DPCD: variants seen among roughly 807,000 people sequenced by gnomAD.
DPCD encodes the protein protein DPCD.
In DPCD, 20 loss-of-function variants were observed where a neutral mutation model predicts 26.4. The ratio of observed to expected loss-of-function variants is 0.76; its 90% CI spans 0.53 to 1.10. DPCD has a LOEUF of 1.10. DPCD is among the 50% of genes least tolerant of loss of function. The pLI, the probability that DPCD is intolerant of heterozygous loss-of-function variation, is 0.00. For synonymous variants in DPCD, 97 were observed against 94.2 expected (o/e 1.03, Z -0.17); for missense variants, 202 against 253.9 (o/e 0.80, Z 1.39).
intron 1 of DPCD, 21 bp from the exon 2 acceptor site, chr10:101,594,637 C>T: frequency 6.2e-7 from 1 of 1,611,878 alleles, no homozygotes; most frequent in East Asian, 2.2e-5. Flanking sequence ...TGAGGTAAGG[C>T]ATTCTCTGTT....
Position 101,608,931 on chromosome 10 carries a change from C to A in DPCD, c.501C>A (p.Ile167=). The A allele has an allele frequency of 6.2e-7, 1 of 1,612,194 alleles. No individual in the cohort carries two copies. Among genetic ancestry groups the A allele is most frequent in the South Asian group, 1.1e-5 (1 of 91,052 alleles). Residue 167 remains isoleucine, a synonymous_variant, in exon 5 of 6, where the codon ATC becomes ATA. Transcript: ENST00000370151. ...LSFAHANCTL[I]ISYQKPKEVV... is the part of the protein sequence containing the mutation. ...TTGCCCACGCCAACTGCACCCTGAT[C>A]ATCTCTGTAAGATTCACCCAGACTT... is the stretch of plus-strand genomic sequence containing the variant.
Position 101,588,799 on chromosome 10 carries a change from T to G in DPCD, c.64+399T>G, listed in dbSNP as rs2134737621. ...TGGGCTCTAGTTCCGACTGTGCCATTAATTCACCACGGGCGCTTCAGTCGG... is the reference window on the plus strand; with the variant it reads ...TGGGCTCTAGTTCCGACTGTGCCATGAATTCACCACGGGCGCTTCAGTCGG... On this transcript the variant is annotated intron_variant, in intron 1 of 5. Coordinates refer to ENST00000370151, the MANE Select transcript of DPCD (RefSeq NM_015448.3). 3 of 513,116 alleles carry G rather than the reference T, an allele frequency of 5.8e-6. No homozygotes were observed. In the South Asian group the frequency reaches 2.5e-4, roughly 43 times the overall value. The allele number at this position is 513,116 out of a possible 1,614,324, so 31.8% of individuals were successfully genotyped here.
At chr10:101,605,249 G>T in intron 4 of DPCD, 3 of 1,547,476 alleles carry the variant, frequency 1.9e-6, no homozygotes, top group Non-Finnish European at 2.6e-6. Context: ...GTCCACAGCA[G>T]CCCTGCTCCT....
intron 4 of DPCD, chr10:101,605,231 A>G: frequency 6.5e-7 from 1 of 1,549,664 alleles, no homozygotes; most frequent in Non-Finnish European, 8.7e-7. Context: ...GGCATGACCC[A>G]AGTGATTGTC....
intron 4 of DPCD, chr10:101,605,107 G>A: frequency 6.4e-7 from 1 of 1,550,588 alleles, no homozygotes; most frequent in Non-Finnish European, 8.7e-7. Context: ...GAGCCTTGAT[G>A]TTTAAGAAGA....
At chr10:101,593,014 A>G (rs1239442489) in intron 1 of DPCD, among the ~76,000 whole-genome samples, 1 of 152,156 alleles carries the variant, frequency 6.6e-6, no homozygotes, top group Non-Finnish European at 1.5e-5. Flanking sequence ...CTCTGTCAAA[A>G]AAAAAAACCC....
At chr10:101,589,709 C>G (rs914733671) in intron 1 of DPCD, among the ~76,000 whole-genome samples, 9 of 152,114 alleles carry the variant, frequency 5.9e-5, no homozygotes, top group Non-Finnish European at 1.3e-4. Flanking sequence ...TGAAACCACC[C>G]CATCGCTACT....
intron 1 of DPCD, among the ~76,000 whole-genome samples, chr10:101,591,653 C>G (rs1201273933): frequency 6.6e-6 from 1 of 151,854 alleles, no homozygotes; most frequent in Non-Finnish European, 1.5e-5. Context: ...ATAAAGAAGT[C>G]AAATATAATA....
intron 4 of DPCD, among the ~76,000 whole-genome samples, chr10:101,606,388 T>TGGC (rs2063733147): frequency 6.6e-6 from 1 of 152,238 alleles, no homozygotes; most frequent in Non-Finnish European, 1.5e-5. Context: ...CTTGAACTCC[T>TGGC]GGCCTCAAGT....
chr10:101,601,304 G>C lies in DPCD; in HGVS notation c.372G>C (p.Glu124Asp). ...DVYSVSVDQK[E>D]RCIIVRTTNK... The stretch of plus-strand genomic sequence containing the variant: ...ATAGTGTCTCTGTGGACCAGAAGGA[G>C]CGCTGCATCATTGTCAGAACAACCA... The change falls in exon 4 of 6, where the codon GAG becomes GAC. Residue 124 changes from glutamate (E) to aspartate (D), a missense_variant. Transcript: ENST00000370151. The C allele has an allele frequency of 6.2e-7, 1 of 1,613,902 alleles. No individual in the cohort carries two copies. The highest frequency in any genetic ancestry group is 8.5e-7 in the Non-Finnish European group (1 of 1,179,936).
intron 1 of DPCD, among the ~76,000 whole-genome samples, chr10:101,590,732 C>G (rs1456486829): frequency 1.3e-5 from 2 of 152,082 alleles, no homozygotes; most frequent in African/African-American, 4.8e-5. Context: ...GCATGTGCCA[C>G]TACACTCAGC....
chr10:101,602,333 A>G (rs1260068794), intron 4 of DPCD, among the ~76,000 whole-genome samples: 1 of 152,144 alleles, frequency 6.6e-6, no homozygotes. Context: ...CCTCAGGCTC[A>G]CGAGGCCCAC....
intron 5 of DPCD, 150 bp downstream of exon 5, chr10:101,609,087 G>T: frequency 1.4e-6 from 1 of 719,024 alleles, no homozygotes; most frequent in Non-Finnish European, 2.4e-6. Flanking sequence ...CAGCATGGGG[G>T]AGAGCAGGGA....
At position 101,601,338 on chromosome 10, in the gene DPCD, T is replaced by C. The variant is rs780332966; in HGVS notation, c.404+2T>C. On this transcript the variant is annotated splice_donor_variant, in intron 4 of 5. Transcript: ENST00000370151. LOFTEE classifies it high-confidence loss of function. ...CATTGTCAGAACAACCAACAAGAAGTGAGTAGCGTGGAAGGCACCCTGTGT... is the reference window on the plus strand; with the variant it reads ...CATTGTCAGAACAACCAACAAGAAGCGAGTAGCGTGGAAGGCACCCTGTGT... 2 of 1,613,128 alleles carry C rather than the reference T, an allele frequency of 1.2e-6. No homozygotes were observed. Among genetic ancestry groups the C allele is most frequent in the East Asian group, 2.2e-5 (1 of 44,734 alleles).
chr10:101,607,105 C>G (rs929537789), intron 4 of DPCD, among the ~76,000 whole-genome samples: 3 of 152,104 alleles, frequency 2.0e-5, no homozygotes, highest in Non-Finnish European at 2.9e-5. Context: ...TTTTCCGGTC[C>G]CACTGCCCCA....
chr10:101,596,247 T>C (rs966820007), intron 2 of DPCD, among the ~76,000 whole-genome samples: 4 of 151,852 alleles, frequency 2.6e-5, no homozygotes, highest in Non-Finnish European at 5.9e-5. Flanking sequence ...GAGAAGACTG[T>C]TCACAGGAGA....
intron 4 of DPCD, among the ~76,000 whole-genome samples, chr10:101,602,658 T>C (rs1396440048): frequency 1.3e-5 from 2 of 152,228 alleles, no homozygotes; most frequent in African/African-American, 4.8e-5. Context: ...AATTTAGCAA[T>C]TTCAGACAAC....
chr10:101,591,625 A>T (rs1423290498), intron 1 of DPCD, among the ~76,000 whole-genome samples: 2 of 152,100 alleles, frequency 1.3e-5, no homozygotes, highest in African/African-American at 4.8e-5. Flanking sequence ...AATTACATTC[A>T]TTGTGGAAAT....
chr10:101,593,388 A>G (rs942551719), intron 1 of DPCD, among the ~76,000 whole-genome samples: 2 of 152,208 alleles, frequency 1.3e-5, no homozygotes, highest in Admixed American at 1.3e-4. Flanking sequence ...ATTGGACAGG[A>G]AAAAGGCACC....
Sources: allele counts gnomAD v4.1 joint callset (sites outside exome capture counted in the v4.1 genomes callset), GRCh38; gene constraint gnomAD v4.1.1; transcripts MANE v1.5; gene names NCBI Gene and HGNC (gene_info 2026-07-23, HGNC 2026-07-21).